U2SURP: variants seen among roughly 807,000 people sequenced by gnomAD.
U2SURP encodes the protein U2 snRNP-associated SURP motif-containing protein.
In U2SURP, 9 loss-of-function variants were observed where a neutral mutation model predicts 144.9. The observed-to-expected ratio is 0.06, with a 90% CI of 0.04 to 0.11. The LOEUF (loss-of-function observed/expected upper bound fraction) is 0.11, where lower values mean the gene tolerates loss of function less well. Ranked by LOEUF, U2SURP falls within the 10% of genes least tolerant of loss-of-function variation. The pLI is 1.00. For synonymous variants in U2SURP, 408 were observed against 396.8 expected (o/e 1.03, Z -0.33); for missense variants, 724 against 1,226.7 (o/e 0.59, Z 6.12).
chr3:143,026,204 A>C (rs1234901982), intron 13 of U2SURP: 1 of 152,164 alleles, frequency 6.6e-6, no homozygotes, highest in Non-Finnish European at 1.5e-5. Flanking sequence ...ATAAAATATC[A>C]CATGATTTTA....
At chr3:143,029,289 G>C (rs1933337584) in intron 16 of U2SURP, among the ~76,000 whole-genome samples, 1 of 152,190 alleles carries the variant, frequency 6.6e-6, no homozygotes, top group African/African-American at 2.4e-5. Context: ...ACTGTGCTCT[G>C]CAGATACAGT....
At chr3:143,039,843 A>G (rs769297714) in intron 23 of U2SURP, among the ~76,000 whole-genome samples, 1 of 151,906 alleles carries the variant, frequency 6.6e-6, no homozygotes, top group Non-Finnish European at 1.5e-5. Flanking sequence ...TACGATGGTG[A>G]AAACTTGTCT....
chr3:143,004,828 T>C (rs1192827398), intron 1 of U2SURP, among the ~76,000 whole-genome samples: 1 of 152,142 alleles, frequency 6.6e-6, no homozygotes, highest in Non-Finnish European at 1.5e-5. Flanking sequence ...AATTTTCCTG[T>C]GCATTTGTTT....
chr3:143,013,784 G>T (rs1334861187), intron 3 of U2SURP, among the ~76,000 whole-genome samples: 1 of 152,012 alleles, frequency 6.6e-6, no homozygotes, highest in Non-Finnish European at 1.5e-5. Context: ...TTTAATCCCA[G>T]CAAAGAATGA....
chr3:143,035,158 C>T (rs1429254575), intron 19 of U2SURP, among the ~76,000 whole-genome samples, 183 bp downstream of exon 19: 1 of 151,490 alleles, frequency 6.6e-6, no homozygotes, highest in Non-Finnish European at 1.5e-5. Flanking sequence ...TTAAAAGATA[C>T]TATTTTGTCA....
At chr3:143,023,936 A>G (rs775752550) in intron 12 of U2SURP, 39 bp from the exon 13 acceptor site, 7 of 1,597,810 alleles carry the variant, frequency 4.4e-6, no homozygotes, top group African/African-American at 4.0e-5. Context: ...CAATACTCAC[A>G]TATTCTATGT....
At chr3:143,047,902 C>T (rs6440133) in intron 24 of U2SURP, among the ~76,000 whole-genome samples, 97,904 of 146,308 alleles carry the variant, frequency 0.67, 33,082 homozygotes, top group African/African-American at 0.75. Context: ...ACCTCCCTCC[C>T]GGACGGGGTC....
At chr3:143,001,733 G>A in intron 1 of U2SURP, 60 bp downstream of exon 1, 2 of 1,602,024 alleles carry the variant, frequency 1.2e-6, no homozygotes, top group Admixed American at 1.7e-5. Context: ...GGGGCCCACA[G>A]ACGCTTCTGG....
At chr3:143,016,182 T>G in intron 4 of U2SURP, 75 bp from the exon 5 acceptor site, 1 of 1,325,656 alleles carries the variant, frequency 7.5e-7, no homozygotes, top group Non-Finnish European at 1.1e-6. Flanking sequence ...TCCATATTAT[T>G]CCTTGATGAA....
intron 16 of U2SURP, among the ~76,000 whole-genome samples, chr3:143,030,554 A>G (rs1933420050): frequency 6.6e-6 from 1 of 152,150 alleles, no homozygotes; most frequent in South Asian, 2.1e-4. Context: ...GTGCAAAGAG[A>G]TTAAGTTGTT....
chr3:143,011,015 T>C (rs910687993), intron 2 of U2SURP, among the ~76,000 whole-genome samples, 156 bp downstream of exon 2: 1 of 152,044 alleles, frequency 6.6e-6, no homozygotes, highest in African/African-American at 2.4e-5. Context: ...TTTTTTTTTT[T>C]TATGTTCTGC....
intron 1 of U2SURP, among the ~76,000 whole-genome samples, chr3:143,006,635 G>A (rs61532100): frequency 0.039 from 5,868 of 152,112 alleles, 328 homozygotes; most frequent in African/African-American, 0.13. Context: ...CATGCTACTC[G>A]GGAGGCTGAG....
At chr3:143,021,580 G>T in intron 10 of U2SURP, 25 bp downstream of exon 10, 1 of 1,585,842 alleles carries the variant, frequency 6.3e-7, no homozygotes, top group Non-Finnish European at 8.6e-7. Flanking sequence ...GATGAATGTT[G>T]ATTGATATGC....
At chr3:143,035,500 C>T (rs1488575748) in intron 19 of U2SURP, among the ~76,000 whole-genome samples, 1 of 152,044 alleles carries the variant, frequency 6.6e-6, no homozygotes, top group African/African-American at 2.4e-5. Flanking sequence ...CAGACAACTC[C>T]CATTTTAAAA....
chr3:143,055,134 T>A lies in U2SURP; in HGVS notation c.2951+15T>A. ...AAAGCCAAAAGGTAAATGCAAGTCA[T>A]TTTTGCTAATATTTCAGATACCAGT... On this transcript the variant is annotated intron_variant, in intron 27 of 27. Transcript: ENST00000473835. The A allele has an allele frequency of 3.9e-6, 6 of 1,551,480 alleles. No homozygotes were observed. Among genetic ancestry groups the A allele is most frequent in the Non-Finnish European group, 5.2e-6 (6 of 1,154,834 alleles).
intron 13 of U2SURP, chr3:143,025,762 A>C (rs992926334): frequency 6.6e-6 from 1 of 152,164 alleles, no homozygotes; most frequent in South Asian, 2.1e-4. Flanking sequence ...GTAAAGATTT[A>C]AACTGTGATG....
intron 1 of U2SURP, 53 bp from the exon 2 acceptor site, chr3:143,010,762 T>C (rs1037808798): frequency 3.6e-6 from 5 of 1,387,674 alleles, no homozygotes; most frequent in East Asian, 2.4e-5. Context: ...AGAGACATGT[T>C]TTGTTAGTAT....
intron 18 of U2SURP, among the ~76,000 whole-genome samples, chr3:143,034,340 G>T (rs961173015): frequency 6.6e-6 from 1 of 151,978 alleles, no homozygotes; most frequent in African/African-American, 2.4e-5. Context: ...GGAGGCGGAG[G>T]TTGCAGTGAG....
intron 27 of U2SURP, 46 bp downstream of exon 27, chr3:143,055,165 T>A: frequency 6.8e-7 from 1 of 1,461,566 alleles, no homozygotes; most frequent in Non-Finnish European, 9.1e-7. Flanking sequence ...CCAGTTTCCT[T>A]GTCATTTCAT....
Sources: allele counts gnomAD v4.1 joint callset (sites outside exome capture counted in the v4.1 genomes callset), GRCh38; gene constraint gnomAD v4.1.1; transcripts MANE v1.5; gene names NCBI Gene and HGNC (gene_info 2026-07-23, HGNC 2026-07-21).